Variants in FAM178B observed in about 807,000 individuals in gnomAD.
FAM178B encodes the protein family with sequence similarity 178 member B.
A neutral mutation model predicts 91.7 loss-of-function variants in FAM178B; 82 were observed. That is an observed-to-expected ratio of 0.89 (90% CI 0.75 to 1.07). The LOEUF is 1.07. FAM178B is among the 50% of genes least tolerant of loss of function. The probability of loss-of-function intolerance (pLI) is 0.00; values close to 1 mark genes in which losing one functional copy is unlikely to be tolerated. For synonymous variants in FAM178B, 368 were observed against 359.4 expected (o/e 1.02, Z -0.27); for missense variants, 769 against 846.7 (o/e 0.91, Z 1.14).
rs1279482065 is a variant in FAM178B at position 96,907,254 on chromosome 2, A to T, written c.1563-4547T>A. Among the ~76,000 whole-genome samples, 5 of 152,232 alleles carry T rather than the reference A, an allele frequency of 3.3e-5. No individual in the cohort carries two copies. The East Asian group carries it at 9.7e-4, about 29-fold the overall frequency. ...CACTGGGACACAGCAAGGAGGGGGCAGGGGGCGGGGCGAGACCATTTTTTT... is the reference window on the plus strand; with the variant it reads ...CACTGGGACACAGCAAGGAGGGGGCTGGGGGCGGGGCGAGACCATTTTTTT... On this transcript the variant is annotated intron_variant, in intron 12 of 16. Transcript: ENST00000490605.
intron 7 of FAM178B, chr2:96,949,963 C>T (rs2081896821): frequency 1.0e-6 from 1 of 985,206 alleles, no homozygotes; most frequent in African/African-American, 1.7e-5. Flanking sequence ...GGCCAGAACT[C>T]ACACCAAGTC....
At chr2:96,952,797 A>T (rs1012572853) in intron 6 of FAM178B, among the ~76,000 whole-genome samples, 2 of 152,134 alleles carry the variant, frequency 1.3e-5, no homozygotes, top group African/African-American at 4.8e-5. Flanking sequence ...GATCATTAAC[A>T]TGGATTCCAG....
chr2:96,968,009 G>A (rs139715500), intron 4 of FAM178B, among the ~76,000 whole-genome samples: 16 of 137,794 alleles, frequency 1.2e-4, no homozygotes, highest in African/African-American at 4.3e-4. Flanking sequence ...AAAGTGTATC[G>A]CAGCCTCAAA....
At chr2:96,972,347 G>A in intron 2 of FAM178B, 25 bp from the exon 3 acceptor site, 1 of 1,467,150 alleles carries the variant, frequency 6.8e-7, no homozygotes, top group Non-Finnish European at 9.0e-7. Context: ...GAATACTGTG[G>A]TCCCTCTGCC....
intron 6 of FAM178B, among the ~76,000 whole-genome samples, chr2:96,958,319 C>T (rs879718828): frequency 1.1e-4 from 17 of 152,142 alleles, no homozygotes; most frequent in African/African-American, 4.1e-4. Context: ...ATCCGCCCGC[C>T]TCGGCCTCCC....
chr2:96,934,810 G>A (rs2081598007), intron 8 of FAM178B, among the ~76,000 whole-genome samples: 1 of 152,128 alleles, frequency 6.6e-6, no homozygotes, highest in Non-Finnish European at 1.5e-5. Flanking sequence ...AGCTCTGAGG[G>A]TGCCTTTCTT....
intron 6 of FAM178B, chr2:96,956,595 A>T (rs574460047): frequency 5.3e-5 from 8 of 152,352 alleles, no homozygotes; most frequent in African/African-American, 9.6e-5. Context: ...TTGATTTTTT[A>T]AAAAATGGCA....
intron 14 of FAM178B, among the ~76,000 whole-genome samples, chr2:96,889,676 TCAAATAAA>T (rs1559052454): frequency 2.0e-5 from 2 of 98,006 alleles, no homozygotes; most frequent in Non-Finnish European, 4.1e-5. Context: ...AGACTCTGTC[TCAAATAAA>T]TAAATAAATA....
At chr2:96,899,363 A>C (rs1178607078) in intron 13 of FAM178B, among the ~76,000 whole-genome samples, 1 of 152,144 alleles carries the variant, frequency 6.6e-6, no homozygotes, top group Non-Finnish European at 1.5e-5. Context: ...CTGTCTCCCC[A>C]GTGCCAGTAC....
chr2:96,909,285 C>G (rs1011836741), intron 12 of FAM178B, among the ~76,000 whole-genome samples: 1 of 152,136 alleles, frequency 6.6e-6, no homozygotes, highest in African/African-American at 2.4e-5. Context: ...CAGTATCTGC[C>G]AAGACAGCCC....
intron 14 of FAM178B, among the ~76,000 whole-genome samples, chr2:96,884,345 C>G (rs1246962986): frequency 1.3e-5 from 2 of 152,236 alleles, no homozygotes; most frequent in African/African-American, 4.8e-5. Flanking sequence ...AAAGAGGATT[C>G]ACACTGTGGA....
At chr2:96,913,176 A>C (rs2081187865) in intron 12 of FAM178B, among the ~76,000 whole-genome samples, 1 of 152,122 alleles carries the variant, frequency 6.6e-6, no homozygotes, top group South Asian at 2.1e-4. Context: ...GGCAGCAGGG[A>C]GGTGAGAACT....
chr2:96,977,950 C>CGGGGGAGGGGGGG, intron 1 of FAM178B: 1 of 229,318 alleles, frequency 4.4e-6, no homozygotes, highest in East Asian at 1.4e-4. Flanking sequence ...GTGGGGCGGG[C>CGGGGGAGGGGGGG]GGGGGAGGGG....
chr2:96,956,548 C>A (rs2082002428), intron 6 of FAM178B, among the ~76,000 whole-genome samples: 1 of 152,182 alleles, frequency 6.6e-6, no homozygotes, highest in Non-Finnish European at 1.5e-5. Flanking sequence ...TTCCCCCTTT[C>A]ACAGAAAGGT....
chr2:96,936,463 A>G (rs1262817041), intron 8 of FAM178B, among the ~76,000 whole-genome samples: 1 of 147,242 alleles, frequency 6.8e-6, no homozygotes, highest in East Asian at 2.0e-4. Flanking sequence ...GGCCTCCCAA[A>G]GTGCTGGATT....
chr2:96,984,581 G>C (rs2082400658), intron 1 of FAM178B, among the ~76,000 whole-genome samples: 1 of 152,168 alleles, frequency 6.6e-6, no homozygotes, highest in Non-Finnish European at 1.5e-5. Context: ...CTGCTCAGTG[G>C]GCAGCTGACT....
intron 1 of FAM178B, among the ~76,000 whole-genome samples, chr2:96,978,417 G>C (rs2082319337): frequency 6.6e-6 from 1 of 152,104 alleles, no homozygotes; most frequent in Non-Finnish European, 1.5e-5. Flanking sequence ...ATACTCAACA[G>C]GTAATTTTTC....
intron 7 of FAM178B, 132 bp downstream of exon 7, chr2:96,951,247 C>T: frequency 1.5e-6 from 1 of 677,566 alleles, no homozygotes; most frequent in South Asian, 1.8e-5. Context: ...CTCCTCCCTC[C>T]TCCCAGCCTG....
chr2:96,952,575 G>A (rs780225996), intron 6 of FAM178B, among the ~76,000 whole-genome samples: 3 of 152,166 alleles, frequency 2.0e-5, no homozygotes, highest in Non-Finnish European at 4.4e-5. Context: ...CCAGATCTTT[G>A]CAAAATGAGT....
Sources: gnomAD v4.1 joint callset for allele counts (sites outside exome capture counted in the v4.1 genomes callset) on GRCh38, gnomAD v4.1.1 for gene constraint, MANE v1.5 for transcripts, NCBI Gene and HGNC (gene_info 2026-07-23, HGNC 2026-07-21) for gene names.